DMXL2: variants seen among roughly 807,000 people sequenced by gnomAD.
DMXL2 encodes Dmx like 2.
In DMXL2, 103 loss-of-function variants were observed where a neutral mutation model predicts 331.1. That is an observed-to-expected ratio of 0.31 (90% CI 0.27 to 0.37). The LOEUF (loss-of-function observed/expected upper bound fraction) is 0.37. Among genes scored for constraint, DMXL2 ranks in the 10% least tolerant of loss-of-function variants. DMXL2 has a pLI of 1.00. For missense variants in DMXL2, 3,171 were observed against 3,642.9 expected (o/e 0.87, Z 3.33); for synonymous variants, 1,281 against 1,252.1 (o/e 1.02, Z -0.49).
chr15:51,583,121 C>CTTTTTTTTTTTTTTTTTTTTTT (rs1171970352), intron 1 of DMXL2, among the ~76,000 whole-genome samples: 8 of 34,876 alleles, frequency 2.3e-4, no homozygotes, highest in South Asian at 8.3e-4. Context: ...TTTTTTTTTT[C>CTTTTTTTTTTTTTTTTTTTTTT]TTTTTTTTTT....
Position 51,534,886 on chromosome 15 carries a change from T to A in DMXL2, c.2436+777A>T, listed in dbSNP as rs144917073. Among the ~76,000 whole-genome samples, 585 of 152,286 alleles carry A rather than the reference T, an allele frequency of 3.8e-3. 3 individuals carry two copies. The highest frequency in any genetic ancestry group is 0.014 in the African/African-American group (563 of 41,568). ...CTTAATCTGATCTCTCTCTCTCCTCTGAATAATGAAACACTTCTAGGGCCA... is the reference window on the plus strand; with the variant it reads ...CTTAATCTGATCTCTCTCTCTCCTCAGAATAATGAAACACTTCTAGGGCCA... On this transcript the variant is annotated intron_variant, in intron 13 of 43. Coordinates refer to ENST00000560891, the MANE Select transcript of DMXL2 (RefSeq NM_001378457.1).
intron 26 of DMXL2, among the ~76,000 whole-genome samples, chr15:51,477,318 G>A (rs1236147156): frequency 2.0e-5 from 3 of 151,872 alleles, no homozygotes; most frequent in East Asian, 1.9e-4. Flanking sequence ...AATCATAGCC[G>A]ACCAACTGGA....
At chr15:51,588,931 C>T (rs2052073230) in intron 1 of DMXL2, among the ~76,000 whole-genome samples, 2 of 152,164 alleles carry the variant, frequency 1.3e-5, no homozygotes, top group Non-Finnish European at 2.9e-5. Flanking sequence ...AAATTTGCTT[C>T]AAAAAGTCTC....
rs545121064 is a variant in DMXL2 at position 51,554,306 on chromosome 15, A to C, written c.568-6898T>G. On this transcript the variant is annotated intron_variant, in intron 6 of 43. Transcript: ENST00000560891. Reference sequence around the variant, plus strand: ...TAACGTGGTAATCCTAAGAAATATGAGTAACAAAAAAAAGACAAATCTGTG... The same window carrying C: ...TAACGTGGTAATCCTAAGAAATATGCGTAACAAAAAAAAGACAAATCTGTG... Among the ~76,000 whole-genome samples, 7 of 152,354 alleles carry C rather than the reference A, an allele frequency of 4.6e-5. No homozygotes were observed. The South Asian group carries it at 1.2e-3, about 27-fold the overall frequency.
intron 1 of DMXL2, among the ~76,000 whole-genome samples, chr15:51,617,918 C>T (rs2054385299): frequency 6.6e-6 from 1 of 152,096 alleles, no homozygotes; most frequent in South Asian, 2.1e-4. Context: ...AACTTATAAA[C>T]CCTATATTCA....
intron 1 of DMXL2, among the ~76,000 whole-genome samples, chr15:51,604,896 T>C (rs1300834186): frequency 1.3e-5 from 2 of 152,178 alleles, no homozygotes; most frequent in South Asian, 2.1e-4. Context: ...GATAGAGACA[T>C]AGATCAGTGC....
chr15:51,499,673 G>GT lies in DMXL2; in HGVS notation c.3550dup (p.Thr1184AsnfsTer20). 1 of 1,613,952 alleles carries GT rather than the reference G, an allele frequency of 6.2e-7. No homozygotes were observed. Among genetic ancestry groups the GT allele is most frequent in the Non-Finnish European group, 8.5e-7 (1 of 1,179,950 alleles). ...GAAGATATTCGCACCGACTCCCACT[G>GT]TAAGAATGTGGGAGCCATCTTCTTT... On this transcript the variant is annotated frameshift_variant, in exon 18 of 44. Transcript: ENST00000560891. LOFTEE classifies it high-confidence loss of function.
Position 51,474,551 on chromosome 15 carries a change from C to T in DMXL2, c.7006G>A (p.Glu2336Lys). The stretch of plus-strand genomic sequence containing the variant: ...AAAATGTTCAGTTTTGGCTGGTCTT[C>T]ATCTTGGGCTGAACTCAAAAGATTA... Reference protein sequence around the residue: ...LINLLSSAQDEDQPKLNILLC... With the variant: ...LINLLSSAQDKDQPKLNILLC... The change falls in exon 28 of 44, where the codon GAA becomes AAA. Residue 2336 changes from glutamate to lysine, a missense_variant. This residue lies in a region of DMXL2 where 766 missense variants were observed against 940.5 expected (regional missense o/e 0.81). Transcript: ENST00000560891. 1.2e-6 allele frequency: 2 copies of T among 1,614,094 alleles called. No homozygotes were observed. Among genetic ancestry groups the T allele is most frequent in the African/African-American group, 1.3e-5 (1 of 75,050 alleles).
chr15:51,519,703 C>T (rs2047242704), intron 13 of DMXL2, among the ~76,000 whole-genome samples: 1 of 136,648 alleles, frequency 7.3e-6, no homozygotes, highest in Non-Finnish European at 1.5e-5. Flanking sequence ...AATGCAATGG[C>T]ATGGTCTTGG....
chr15:51,476,126 A>T (rs994266347), intron 27 of DMXL2, among the ~76,000 whole-genome samples: 1 of 152,236 alleles, frequency 6.6e-6, no homozygotes. Context: ...ACTGATGTAG[A>T]GAATGAGAAA....
intron 36 of DMXL2, 190 bp from the exon 37 acceptor site, chr15:51,457,656 G>A (rs1248860030): frequency 3.6e-6 from 2 of 563,088 alleles, no homozygotes; most frequent in Non-Finnish European, 5.9e-6. Context: ...TTGGCAAAAT[G>A]TAAATTTAGT....
chr15:51,610,421 T>C (rs1392213880), intron 1 of DMXL2, among the ~76,000 whole-genome samples: 3 of 152,180 alleles, frequency 2.0e-5, no homozygotes, highest in African/African-American at 4.8e-5. Context: ...ACCTAAAATA[T>C]ATAAAATTCT....
At chr15:51,555,285 A>G (rs2049488339) in intron 6 of DMXL2, among the ~76,000 whole-genome samples, 1 of 152,254 alleles carries the variant, frequency 6.6e-6, no homozygotes, top group Non-Finnish European at 1.5e-5. Flanking sequence ...TGGTGGCTTC[A>G]ACCAGATTAT....
intron 6 of DMXL2, among the ~76,000 whole-genome samples, chr15:51,549,299 A>G (rs1365182219): frequency 6.7e-6 from 1 of 149,810 alleles, no homozygotes; most frequent in African/African-American, 2.5e-5. Flanking sequence ...ATTCCTTTTT[A>G]TGGCTGAATA....
intron 5 of DMXL2, among the ~76,000 whole-genome samples, 164 bp from the exon 6 acceptor site, chr15:51,563,611 G>A (rs1165533462): frequency 6.6e-6 from 1 of 152,052 alleles, no homozygotes; most frequent in Non-Finnish European, 1.5e-5. Context: ...CCATAAAAAT[G>A]TAAATTTATT....
chr15:51,488,201 C>T (rs1007801042), intron 21 of DMXL2, 82 bp from the exon 22 acceptor site: 1 of 1,257,098 alleles, frequency 8.0e-7, no homozygotes, highest in Non-Finnish European at 1.1e-6. Flanking sequence ...AAATAAAAAC[C>T]TCAAACAGAA....
intron 26 of DMXL2, 30 bp from the exon 27 acceptor site, chr15:51,476,749 T>C (rs1479230173): frequency 6.5e-7 from 1 of 1,545,572 alleles, no homozygotes; most frequent in Non-Finnish European, 8.7e-7. Flanking sequence ...TTATTTATCA[T>C]CCTGAGAGGT....
chr15:51,559,602 TC>T (rs2049823681), intron 6 of DMXL2, among the ~76,000 whole-genome samples: 1 of 152,104 alleles, frequency 6.6e-6, no homozygotes, highest in South Asian at 2.1e-4. Flanking sequence ...ATGCCTGTAG[TC>T]CCAGCTACTT....
intron 6 of DMXL2, among the ~76,000 whole-genome samples, chr15:51,560,974 T>C (rs928572489): frequency 1.6e-4 from 23 of 140,010 alleles, no homozygotes; most frequent in Middle Eastern, 3.6e-3. Context: ...TTTTTTAATT[T>C]ATGAAATATT....
Sources: allele counts gnomAD v4.1 joint callset (sites outside exome capture counted in the v4.1 genomes callset), GRCh38; gene constraint gnomAD v4.1.1; regional missense constraint gnomAD v4.1.1; transcripts MANE v1.5; gene names NCBI Gene and HGNC (gene_info 2026-07-23, HGNC 2026-07-21).